Variants in MAP4 observed in about 807,000 individuals in gnomAD.
MAP4 encodes the protein microtubule-associated protein 4.
In MAP4, 76 loss-of-function variants were observed where a neutral mutation model predicts 170.2. That is an observed-to-expected ratio of 0.45 (90% confidence interval 0.37 to 0.54). The LOEUF is 0.54. Ranked by LOEUF, MAP4 falls within the 20% of genes least tolerant of loss-of-function variation. The pLI is 0.00. For synonymous variants in MAP4, 909 were observed against 994.5 expected (o/e 0.91, Z 1.62); for missense variants, 2,506 against 2,748.0 (o/e 0.91, Z 1.97).
At position 47,981,672 on chromosome 3, in the gene MAP4, C is replaced by T. The variant is rs534216634; in HGVS notation, c.224-3739G>A. Among the ~76,000 whole-genome samples, 33 of 149,974 alleles carry T rather than the reference C, an allele frequency of 2.2e-4. No homozygotes were observed. In the South Asian group the frequency reaches 6.7e-3, roughly 30 times the overall value. ...CACAACTACTCTAGAGGCTGAAGCACAAGAATAGCTTGAACCTGGGAGGCA... is the reference window on the plus strand; with the variant it reads ...CACAACTACTCTAGAGGCTGAAGCATAAGAATAGCTTGAACCTGGGAGGCA... On this transcript the variant is annotated intron_variant, in intron 2 of 20. Transcript: ENST00000683076.
intron 3 of MAP4, among the ~76,000 whole-genome samples, chr3:47,954,579 T>C (rs955277436): frequency 9.8e-5 from 15 of 152,316 alleles, no homozygotes; most frequent in Middle Eastern, 3.4e-3. Context: ...ACCTGTAGTG[T>C]TCCCACAAGT....
At chr3:47,950,866 T>C (rs1001165780) in intron 3 of MAP4, among the ~76,000 whole-genome samples, 2 of 152,190 alleles carry the variant, frequency 1.3e-5, no homozygotes, top group African/African-American at 2.4e-5. Flanking sequence ...CATAGCTGAG[T>C]TGGTCTTGTA....
At chr3:47,967,211 C>A (rs770899174) in intron 3 of MAP4, among the ~76,000 whole-genome samples, 6 of 152,242 alleles carry the variant, frequency 3.9e-5, no homozygotes, top group Middle Eastern at 3.4e-3. Flanking sequence ...TGGCACATGC[C>A]TGTAATCCCA....
intron 1 of MAP4, among the ~76,000 whole-genome samples, chr3:48,066,255 G>GT (rs1453745330): frequency 6.6e-6 from 1 of 152,116 alleles, no homozygotes; most frequent in Non-Finnish European, 1.5e-5. Context: ...CCCTGGCTCT[G>GT]TTTTAACATA....
At position 47,911,897 on chromosome 3, in the gene MAP4, C is replaced by T; in HGVS notation, c.2524G>A (p.Ala842Thr). The change falls in exon 9 of 21, where the codon GCC becomes ACC. Residue 842 changes from alanine to threonine, a missense_variant. By Grantham distance (58) the Ala-to-Thr change is moderately conservative. Transcript: ENST00000683076. This position sits in a 1 kb window ranked among gnomAD's most constrained non-coding sequence, Gnocchi z 4.0. ...ACAAAGTTCTCAGCTACCAGTCTGG[C>T]TGCACTGGAGTTAACTAAACATTCC... ...KRECLVNSSA[A>T]RLVAENFVSE... is the part of the protein sequence containing the mutation. 1 of 1,536,094 alleles carries T rather than the reference C, an allele frequency of 6.5e-7. No individual in the cohort carries two copies. Among genetic ancestry groups the T allele is most frequent in the Non-Finnish European group, 8.7e-7 (1 of 1,146,888 alleles).
intron 1 of MAP4, among the ~76,000 whole-genome samples, chr3:48,079,919 C>T (rs1037145765): frequency 6.6e-6 from 1 of 150,598 alleles, no homozygotes; most frequent in Non-Finnish European, 1.5e-5. Flanking sequence ...CACTACACTC[C>T]GGCCTGGGCA....
chr3:47,916,510 G>C lies in MAP4; in HGVS notation c.1317C>G (p.Ser439=). 1 of 1,614,090 alleles carries C rather than the reference G, an allele frequency of 6.2e-7. No individual in the cohort carries two copies. Among genetic ancestry groups the C allele is most frequent in the Non-Finnish European group, 8.5e-7 (1 of 1,179,950 alleles). ...EISSAEKVAL[S]SETEVALARD... ...TGGCCAGGGCTACCTCTGTTTCTGA[G>C]GACAAAGCCACCTTCTCAGCAGAGG... is the stretch of plus-strand genomic sequence containing the variant. Residue 439 remains serine (S), a synonymous_variant, in exon 7 of 21, where the codon TCC becomes TCG. Transcript: ENST00000683076.
Position 47,852,508 on chromosome 3 carries a change from T to G in MAP4, c.*426A>C. The G allele has an allele frequency of 4.6e-6, 2 of 432,406 alleles. No individual in the cohort carries two copies. The highest frequency in any genetic ancestry group is 4.1e-6 in the Non-Finnish European group (1 of 243,298). 26.8% of individuals were successfully genotyped at this position (432,406 alleles called of 1,614,324 possible). A position where few individuals can be genotyped will look rare whatever the true frequency, so the allele number is the denominator to read the frequency against. On this transcript the variant is annotated 3_prime_UTR_variant, in exon 21 of 21. Coordinates refer to ENST00000683076, the MANE Select transcript of MAP4 (RefSeq NM_001385682.1). ...GTAGATCCAGGGAGAAGGGAGGGCATGTCAGTTTCTTTTGGGTTTGGACCA... is the reference window on the plus strand; with the variant it reads ...GTAGATCCAGGGAGAAGGGAGGGCAGGTCAGTTTCTTTTGGGTTTGGACCA...
At chr3:47,997,224 C>T (rs7430879) in intron 2 of MAP4, among the ~76,000 whole-genome samples, 91,216 of 150,022 alleles carry the variant, frequency 0.61, 28,887 homozygotes, top group East Asian at 0.73. Flanking sequence ...CCAAAAATTT[C>T]CCAGCTGACT....
At chr3:48,074,565 T>C (rs1434526295) in intron 1 of MAP4, among the ~76,000 whole-genome samples, 2 of 146,962 alleles carry the variant, frequency 1.4e-5, no homozygotes, top group African/African-American at 2.6e-5. Flanking sequence ...CCATGCTGGA[T>C]TGCAATGGCA....
intron 3 of MAP4, chr3:47,973,619 A>G (rs2100080109): frequency 1.0e-6 from 1 of 985,266 alleles, no homozygotes; most frequent in South Asian, 4.7e-5. Context: ...ATGGAAATAA[A>G]AGAATAAATA....
chr3:47,909,890 G>T lies in MAP4; in HGVS notation c.4531C>A (p.Pro1511Thr). ...ACTGTTTCTATGGCTGTTGTAATAGGTAGAGCAACTCCTCCTGTGCTTGTA... is the reference window on the plus strand; with the variant it reads ...ACTGTTTCTATGGCTGTTGTAATAGTTAGAGCAACTCCTCCTGTGCTTGTA... ...PSTSTGGVAL[P>T]ITTAIETVNI... The change falls in exon 9 of 21, where the codon CCT becomes ACT. Residue 1511 changes from proline to threonine, a missense_variant. Pro to Thr is a conservative substitution (Grantham distance 38). This residue lies in a region of MAP4 where 2,008 missense variants were observed against 2,206.0 expected (regional missense o/e 0.91). Transcript: ENST00000683076. 1 of 1,614,032 alleles carries T rather than the reference G, an allele frequency of 6.2e-7. No individual in the cohort carries two copies. Among genetic ancestry groups the T allele is most frequent in the Non-Finnish European group, 8.5e-7 (1 of 1,179,878 alleles).
chr3:47,982,348 T>A (rs2100085877), intron 2 of MAP4, among the ~76,000 whole-genome samples: 1 of 152,110 alleles, frequency 6.6e-6, no homozygotes, highest in African/African-American at 2.4e-5. Flanking sequence ...TACATTAGGA[T>A]AAAAGTCTGA....
intron 3 of MAP4, among the ~76,000 whole-genome samples, chr3:47,935,344 G>A (rs1647616709): frequency 6.6e-6 from 1 of 152,146 alleles, no homozygotes; most frequent in Non-Finnish European, 1.5e-5. Flanking sequence ...ATAGAAGTTA[G>A]GGCCATGGGC....
intron 18 of MAP4, among the ~76,000 whole-genome samples, chr3:47,856,939 C>T (rs2057583323): frequency 6.6e-6 from 1 of 152,266 alleles, no homozygotes; most frequent in Non-Finnish European, 1.5e-5. Context: ...CTGGGCCAAC[C>T]ATGTTGCTGG....
chr3:47,959,556 A>T (rs962321131), intron 3 of MAP4, among the ~76,000 whole-genome samples: 1 of 151,968 alleles, frequency 6.6e-6, no homozygotes, highest in Non-Finnish European at 1.5e-5. Context: ...GGAGATCGAG[A>T]CCATCCTGGC....
chr3:47,877,612 T>A, intron 10 of MAP4, 89 bp from the exon 11 acceptor site: 1 of 773,338 alleles, frequency 1.3e-6, no homozygotes, highest in Non-Finnish European at 2.1e-6. Context: ...GACAGACCAC[T>A]AACTAGCACT....
Position 47,911,492 on chromosome 3 carries a change from T to A in MAP4, c.2929A>T (p.Ile977Leu). The A allele has an allele frequency of 6.5e-7, 1 of 1,535,972 alleles. No homozygotes were observed. Among genetic ancestry groups the A allele is most frequent in the Non-Finnish European group, 8.7e-7 (1 of 1,146,836 alleles). ...TTACATTCTAATGGATTACTTGCTA[T>A]CAAAGTGGGTACCAAATTTGGTATT... is the stretch of plus-strand genomic sequence containing the variant. ...KEIPNLVPTL[I>L]ASNPLECNLK... Residue 977 changes from isoleucine to leucine, a missense_variant, in exon 9 of 21, where the codon ATA becomes TTA. Coordinates refer to ENST00000683076, the MANE Select transcript of MAP4 (RefSeq NM_001385682.1). The surrounding 1 kb of genome is among the most constrained non-coding windows in gnomAD (Gnocchi z 4.0).
At chr3:47,915,273 T>C (rs1360003119) in intron 7 of MAP4, among the ~76,000 whole-genome samples, 1 of 152,072 alleles carries the variant, frequency 6.6e-6, no homozygotes, top group African/African-American at 2.4e-5. Context: ...TGCGCCACCA[T>C]GCCCGGCTAA....
Sources: gnomAD v4.1 joint callset for allele counts (sites outside exome capture counted in the v4.1 genomes callset) on GRCh38, gnomAD v4.1.1 for gene constraint, gnomAD v4.1.1 regional missense constraint, Gnocchi (gnomAD v3.1) non-coding constraint, MANE v1.5 for transcripts, NCBI Gene and HGNC (gene_info 2026-07-23, HGNC 2026-07-21) for gene names.